The following SND1 variants were observed in gnomAD, a reference collection of about 807,000 sequenced individuals.
SND1 encodes staphylococcal nuclease domain-containing protein 1.
A neutral mutation model predicts 121.7 loss-of-function variants in SND1; 38 were observed. The ratio of observed to expected loss-of-function variants is 0.31; its 90% CI spans 0.24 to 0.41. The LOEUF (loss-of-function observed/expected upper bound fraction) is 0.41. Among genes scored for constraint, SND1 ranks in the 10% least tolerant of loss-of-function variants. The probability of loss-of-function intolerance (pLI) is 1.00; values close to 1 mark genes in which losing one functional copy is unlikely to be tolerated. For synonymous variants in SND1, 401 were observed against 447.4 expected (o/e 0.90, Z 1.31); for missense variants, 868 against 1,184.6 (o/e 0.73, Z 3.92).
At chr7:127,740,095 G>A (rs1796853291) in intron 10 of SND1, among the ~76,000 whole-genome samples, 1 of 152,120 alleles carries the variant, frequency 6.6e-6, no homozygotes, top group Admixed American at 6.5e-5. Flanking sequence ...TTAAATTCTC[G>A]CTGCCTGCAA....
At chr7:128,043,888 ACG>A (rs1554365939) in intron 16 of SND1, among the ~76,000 whole-genome samples, 3 of 146,122 alleles carry the variant, frequency 2.1e-5, no homozygotes, top group Non-Finnish European at 4.5e-5. Context: ...ACACACACAC[ACG>A]TAATAAACGT....
At chr7:128,078,927 C>T (rs183498105) in intron 17 of SND1, among the ~76,000 whole-genome samples, 1 of 152,344 alleles carries the variant, frequency 6.6e-6, no homozygotes, top group Admixed American at 6.5e-5. Context: ...AGAGCACCTG[C>T]ATGGGATGCA....
At chr7:127,787,696 A>G (rs545196843) in intron 10 of SND1, among the ~76,000 whole-genome samples, 6 of 152,228 alleles carry the variant, frequency 3.9e-5, no homozygotes, top group East Asian at 1.9e-4. Flanking sequence ...CTGGCTCCCA[A>G]TTTGGATTAA....
chr7:127,779,460 T>TA (rs1797678460), intron 10 of SND1, among the ~76,000 whole-genome samples: 1 of 152,234 alleles, frequency 6.6e-6, no homozygotes, highest in African/African-American at 2.4e-5. Context: ...TCTCAACTTT[T>TA]AAAAAGGATC....
chr7:127,881,768 T>G (rs1799795717), intron 12 of SND1, among the ~76,000 whole-genome samples: 1 of 152,116 alleles, frequency 6.6e-6, no homozygotes, highest in Non-Finnish European at 1.5e-5. Context: ...TGAGACAGTC[T>G]CACTCTGTCA....
At chr7:128,022,330 T>C (rs74942172) in intron 16 of SND1, among the ~76,000 whole-genome samples, 219 of 152,190 alleles carry the variant, frequency 1.4e-3, no homozygotes, top group Non-Finnish European at 2.2e-3. Flanking sequence ...TGTTCCTGAG[T>C]GTACAGAATG....
At chr7:127,955,788 C>T (rs1448803258) in intron 15 of SND1, among the ~76,000 whole-genome samples, 2 of 152,168 alleles carry the variant, frequency 1.3e-5, no homozygotes, top group East Asian at 1.9e-4. Context: ...ACAAGGGAGA[C>T]CATTCTAAGA....
At position 127,658,580 on chromosome 7, in the gene SND1, GC is replaced by G. The variant is rs753119348; in HGVS notation, c.78+6131del. ...CTACATGGAATTTACTGCTGCTCTGGCCTCTGGCAGTACTTTTTTGCCTAGC... is the reference window on the plus strand; with the variant it reads ...CTACATGGAATTTACTGCTGCTCTGGCTCTGGCAGTACTTTTTTGCCTAGC... On this transcript the variant is annotated intron_variant, in intron 1 of 23. Coordinates refer to ENST00000354725, the MANE Select transcript of SND1 (RefSeq NM_014390.4). Among the ~76,000 whole-genome samples, 26 of 152,194 alleles carry G rather than the reference GC, an allele frequency of 1.7e-4. No individual in the cohort carries two copies. The East Asian group carries it at 2.1e-3, about 12-fold the overall frequency.
intron 16 of SND1, among the ~76,000 whole-genome samples, chr7:128,002,598 A>T (rs1802862956): frequency 6.6e-6 from 1 of 152,222 alleles, no homozygotes; most frequent in Non-Finnish European, 1.5e-5. Context: ...TGGTTTGACC[A>T]TCTTTGCAGT....
rs1029111533 is a variant in SND1 at position 127,967,199 on chromosome 7, G to A, written c.1670-23748G>A. Among the ~76,000 whole-genome samples the A allele has an allele frequency of 2.6e-5, 4 of 152,138 alleles. No homozygotes were observed. The South Asian group carries it at 6.2e-4, about 24-fold the overall frequency. ...AGAGTGCTGGAGAAGGCAGAAGGTC[G>A]AAACGGAGGCAATACTGAAAGCATA... On this transcript the variant is annotated intron_variant, in intron 15 of 23. Transcript: ENST00000354725.
At chr7:127,667,449 CAG>C (rs1359524820) in intron 1 of SND1, among the ~76,000 whole-genome samples, 4 of 152,120 alleles carry the variant, frequency 2.6e-5, no homozygotes, top group Non-Finnish European at 2.9e-5. Context: ...ACATTTTACT[CAG>C]GGGCACAGTG....
chr7:127,775,586 C>G lies in SND1; in HGVS notation c.1153-31898C>G, dbSNP rs181843675. ...ACAACGTTTCGTTTCATACTTTACA[C>G]CTGGGAGCACCCTGGTTCCCCCAGT... is the stretch of plus-strand genomic sequence containing the variant. On this transcript the variant is annotated intron_variant, in intron 10 of 23. Coordinates refer to ENST00000354725, the MANE Select transcript of SND1 (RefSeq NM_014390.4). 4.6e-5 allele frequency among the ~76,000 whole-genome samples: 7 copies of G among 152,142 alleles called. No homozygotes were observed. The East Asian group carries it at 1.4e-3, about 29-fold the overall frequency.
intron 1 of SND1, among the ~76,000 whole-genome samples, chr7:127,656,642 A>T (rs529801527): frequency 6.6e-6 from 1 of 152,174 alleles, no homozygotes; most frequent in East Asian, 1.9e-4. Context: ...TGAAAAGTTC[A>T]GTGGGGACAG....
At chr7:128,028,989 C>G (rs1792490024) in intron 16 of SND1, 2 of 1,612,200 alleles carry the variant, frequency 1.2e-6, no homozygotes, top group African/African-American at 1.3e-5. Context: ...GTGCCGCTTA[C>G]GAAGTTTATA....
chr7:127,767,291 A>G (rs930844265), intron 10 of SND1, among the ~76,000 whole-genome samples: 5 of 152,156 alleles, frequency 3.3e-5, no homozygotes, highest in African/African-American at 1.2e-4. Context: ...CAGTGTGGTG[A>G]GATTTCCAAC....
chr7:127,792,001 A>G (rs1797917376), intron 10 of SND1, among the ~76,000 whole-genome samples: 2 of 152,344 alleles, frequency 1.3e-5, no homozygotes, highest in South Asian at 4.1e-4. Flanking sequence ...AGAGTGTTCA[A>G]CAGCATATTA....
intron 9 of SND1, 134 bp downstream of exon 9, chr7:127,707,781 G>GTGTA: frequency 1.7e-6 from 1 of 587,174 alleles, no homozygotes; most frequent in Non-Finnish European, 3.1e-6. Context: ...GTGTGTGTGT[G>GTGTA]TGTGTGTGTG....
intron 11 of SND1, among the ~76,000 whole-genome samples, chr7:127,830,237 G>T (rs1798713699): frequency 6.6e-6 from 1 of 152,092 alleles, no homozygotes; most frequent in Non-Finnish European, 1.5e-5. Flanking sequence ...ACAAAAATTA[G>T]CTGGGCGTGG....
chr7:128,053,517 C>T (rs1314479439), intron 16 of SND1, among the ~76,000 whole-genome samples: 1 of 152,172 alleles, frequency 6.6e-6, no homozygotes, highest in African/African-American at 2.4e-5. Context: ...ATTTTCCCCC[C>T]ACTACCTGGA....
Sources: allele counts gnomAD v4.1 joint callset (sites outside exome capture counted in the v4.1 genomes callset), GRCh38; gene constraint gnomAD v4.1.1; transcripts MANE v1.5; gene names NCBI Gene and HGNC (gene_info 2026-07-23, HGNC 2026-07-21).